HEXB: variants seen among roughly 807,000 people sequenced by gnomAD.
HEXB encodes beta-hexosaminidase subunit beta.
HEXB carries 51 observed loss-of-function variants against 71.2 expected under a neutral mutation model. The observed-to-expected ratio is 0.72, with a 90% CI of 0.57 to 0.90. The LOEUF (loss-of-function observed/expected upper bound fraction) is 0.90. Ranked by LOEUF, HEXB falls within the 40% of genes least tolerant of loss-of-function variation. HEXB has a pLI of 0.00. For missense variants in HEXB, 617 were observed against 677.0 expected (o/e 0.91, Z 0.98); for synonymous variants, 266 against 249.3 (o/e 1.07, Z -0.63).
Position 74,718,200 on chromosome 5 carries a change from A to G in HEXB, c.1170-91A>G, listed in dbSNP as rs893487869. On this transcript the variant is annotated intron_variant, in intron 9 of 13. Coordinates refer to ENST00000261416, the MANE Select transcript of HEXB (RefSeq NM_000521.4). Reference sequence around the variant, plus strand: ...ACTATACTAAAAGGCACCTCTCAAAATGCAAGAAATCCTTGGTAGAAAATG... The same window carrying G: ...ACTATACTAAAAGGCACCTCTCAAAGTGCAAGAAATCCTTGGTAGAAAATG... 7.4e-6 allele frequency: 7 copies of G among 952,082 alleles called. No individual in the cohort carries two copies. The South Asian group carries it at 9.4e-5, about 13-fold the overall frequency. 59.0% of individuals were successfully genotyped at this position (952,082 alleles called of 1,614,324 possible). A position where few individuals can be genotyped will look rare whatever the true frequency, so the allele number is the denominator to read the frequency against.
At chr5:74,688,931 G>A (rs1359190537) in intron 1 of HEXB, among the ~76,000 whole-genome samples, 1 of 152,108 alleles carries the variant, frequency 6.6e-6, no homozygotes, top group African/African-American at 2.4e-5. Flanking sequence ...ACAGAGAAAC[G>A]AAGTTTTCTT....
chr5:74,685,174 G>C, upstream of HEXB: 1 of 1,363,800 alleles, frequency 7.3e-7, no homozygotes, highest in Non-Finnish European at 9.5e-7. Context: ...CTCACCCGCG[G>C]CCGCGCTTCC....
At chr5:74,672,934 T>G (rs2112105035) in intron 1 of HEXB, among the ~76,000 whole-genome samples, 1 of 152,358 alleles carries the variant, frequency 6.6e-6, no homozygotes, top group South Asian at 2.1e-4. Context: ...TTAGAAACCT[T>G]AGAAGGTTTG....
chr5:74,645,317 T>C (rs1747983168), intron 1 of HEXB, among the ~76,000 whole-genome samples: 1 of 152,214 alleles, frequency 6.6e-6, no homozygotes, highest in Non-Finnish European at 1.5e-5. Context: ...TCCTCCTGCC[T>C]CTTCCTCCTG....
rs1411287458 is a variant in HEXB, at chr5:74,652,013, A to G, written c.-377+11455A>G. Among the ~76,000 whole-genome samples, 2 of 152,184 alleles carry G rather than the reference A, an allele frequency of 1.3e-5. No individual in the cohort carries two copies. Among genetic ancestry groups the G allele is most frequent in the Non-Finnish European group, 2.9e-5 (2 of 68,038 alleles). ...CTCTGTGTAAAACTACTCTTATGCCAGACAAACTAGGACGTGTCTAAAAAG... is the reference window on the plus strand; with the variant it reads ...CTCTGTGTAAAACTACTCTTATGCCGGACAAACTAGGACGTGTCTAAAAAG... On this transcript the variant is annotated intron_variant, in intron 1 of 13. Coordinates refer to the HEXB transcript ENST00000511181. The surrounding 1 kb of genome is among the most constrained non-coding windows in gnomAD (Gnocchi z 5.4).
At chr5:74,678,976 A>G (rs1748685981) in intron 1 of HEXB, among the ~76,000 whole-genome samples, 1 of 152,236 alleles carries the variant, frequency 6.6e-6, no homozygotes. Context: ...ATTGAAAAAG[A>G]TTAATAATGT....
At chr5:74,670,846 A>G (rs1748522740) in intron 1 of HEXB, among the ~76,000 whole-genome samples, 1 of 151,974 alleles carries the variant, frequency 6.6e-6, no homozygotes, top group Non-Finnish European at 1.5e-5. Flanking sequence ...GCTGCTTGGA[A>G]CAATTGGCTG....
rs772735469 is a variant in HEXB, at chr5:74,705,350, A to G, written c.771+30A>G. On this transcript the variant is annotated intron_variant, in intron 6 of 13. Coordinates refer to ENST00000261416, the MANE Select transcript of HEXB (RefSeq NM_000521.4). ...GTAAATTGTATTGTACTCTGTCTAC[A>G]AAAACATTGGGTATAGTTTCATTAC... The G allele has an allele frequency of 9.6e-6, 11 of 1,140,228 alleles. No homozygotes were observed. The South Asian group carries it at 1.1e-4, about 11-fold the overall frequency. 70.6% of individuals were successfully genotyped at this position (1,140,228 alleles called of 1,614,324 possible). A position where few individuals can be genotyped will look rare whatever the true frequency, so the allele number is the denominator to read the frequency against.
At position 74,721,217 on chromosome 5, in the gene HEXB, C is replaced by A; in HGVS notation, c.*42C>A. 2 of 1,420,044 alleles carry A rather than the reference C, an allele frequency of 1.4e-6. No homozygotes were observed. Among genetic ancestry groups the A allele is most frequent in the South Asian group, 1.1e-5 (1 of 86,980 alleles). The allele number at this position is 1,420,044 out of a possible 1,614,324, so 88.0% of individuals were successfully genotyped here. On this transcript the variant is annotated 3_prime_UTR_variant, in exon 14 of 14. Transcript: ENST00000261416. The stretch of plus-strand genomic sequence containing the variant: ...AGGCCACAGCAATCTGTACTACAAT[C>A]AACTTTATTTTGAAATCATGTAAAA...
At chr5:74,664,450 A>AC (rs1254575916) in intron 1 of HEXB, among the ~76,000 whole-genome samples, 4 of 142,392 alleles carry the variant, frequency 2.8e-5, no homozygotes, top group African/African-American at 1.0e-4. Context: ...AAAAAAAAAA[A>AC]AAACAGAGAG....
intron 6 of HEXB, among the ~76,000 whole-genome samples, chr5:74,710,430 C>T (rs1179408300): frequency 6.6e-6 from 1 of 152,204 alleles, no homozygotes; most frequent in East Asian, 1.9e-4. Flanking sequence ...GTTGGAAGTT[C>T]TGGCCAGGGC....
At chr5:74,708,414 TGACAGGATCAAATTCA>T (rs1749457364) in intron 6 of HEXB, among the ~76,000 whole-genome samples, 1 of 141,658 alleles carries the variant, frequency 7.1e-6, no homozygotes, top group Non-Finnish European at 1.6e-5. Context: ...AACATCATAA[TGACAGGATCAAATTCA>T]CACATAACAA....
At chr5:74,642,720 A>AG (rs1322189874) in intron 1 of HEXB, among the ~76,000 whole-genome samples, 1 of 152,138 alleles carries the variant, frequency 6.6e-6, no homozygotes, top group Non-Finnish European at 1.5e-5. Context: ...AACTAGGGAC[A>AG]GGTATGTATC....
At chr5:74,667,894 C>A (rs1216774229) in intron 1 of HEXB, among the ~76,000 whole-genome samples, 1 of 152,164 alleles carries the variant, frequency 6.6e-6, no homozygotes, top group Non-Finnish European at 1.5e-5. Context: ...CAAATACTAG[C>A]CGCCATCACC....
intron 2 of HEXB, among the ~76,000 whole-genome samples, chr5:74,691,638 A>G (rs1458964117): frequency 1.3e-5 from 2 of 152,198 alleles, no homozygotes; most frequent in Non-Finnish European, 2.9e-5. Flanking sequence ...AAGCAATACT[A>G]TATTTTCTCC....
intron 10 of HEXB, 71 bp from the exon 11 acceptor site, chr5:74,718,726 T>A: frequency 7.1e-7 from 1 of 1,410,186 alleles, no homozygotes; most frequent in Non-Finnish European, 1.0e-6. Flanking sequence ...CTAGTAATAA[T>A]GCCTTAAACT....
At chr5:74,688,363 G>A (rs820886) in intron 1 of HEXB, among the ~76,000 whole-genome samples, 84,068 of 124,058 alleles carry the variant, frequency 0.68, 30,582 homozygotes, top group Non-Finnish European at 0.75. Flanking sequence ...ATGGAGTCTC[G>A]TTCTGTCACC....
At chr5:74,686,339 A>G (rs1748874885) in intron 1 of HEXB, among the ~76,000 whole-genome samples, 1 of 152,048 alleles carries the variant, frequency 6.6e-6, no homozygotes, top group Non-Finnish European at 1.5e-5. Context: ...GACGCCACAC[A>G]CTGTCCCCTC....
chr5:74,711,764 C>A (rs1749548140), intron 6 of HEXB, among the ~76,000 whole-genome samples: 1 of 151,872 alleles, frequency 6.6e-6, no homozygotes, highest in African/African-American at 2.4e-5. Flanking sequence ...GAATGGCAAT[C>A]ATTAAAAAGT....
Sources: gnomAD v4.1 joint callset for allele counts (sites outside exome capture counted in the v4.1 genomes callset) on GRCh38, gnomAD v4.1.1 for gene constraint, Gnocchi (gnomAD v3.1) non-coding constraint, MANE v1.5 for transcripts, NCBI Gene and HGNC (gene_info 2026-07-23, HGNC 2026-07-21) for gene names.